ADGRF4: variants seen among roughly 807,000 people sequenced by gnomAD.
ADGRF4 encodes the protein G-protein coupled receptor PGR18.
ADGRF4 carries 63 observed loss-of-function variants against 58.5 expected under a neutral mutation model. That is an observed-to-expected ratio of 1.08 (90% CI 0.88 to 1.33). The LOEUF is 1.33. Ranked by LOEUF, ADGRF4 falls within the 40% of genes most tolerant of loss-of-function variation. The probability of loss-of-function intolerance (pLI) is 0.00; values close to 1 mark genes in which losing one functional copy is unlikely to be tolerated. For missense variants in ADGRF4, 931 were observed against 843.9 expected, an observed-to-expected ratio of 1.10 and a Z score of -1.28; for synonymous variants, 313 against 295.4, an observed-to-expected ratio of 1.06 and a Z score of -0.61.
chr6:47,711,112 CA>C (rs35782783), intron 4 of ADGRF4, among the ~76,000 whole-genome samples: 35,189 of 145,218 alleles, frequency 0.24, 4,642 homozygotes, highest in East Asian at 0.55. Context: ...AAACTTTTCT[CA>C]AAAAAAAAAA....
Position 47,714,649 on chromosome 6 carries a change from G to A in ADGRF4, c.1404G>A (p.Gln468=), listed in dbSNP as rs972359261. The A allele has an allele frequency of 1.7e-5, 28 of 1,614,014 alleles. No homozygotes were observed. Among genetic ancestry groups the A allele is most frequent in the African/African-American group, 5.3e-5 (4 of 74,898 alleles). ...IIGSHFNIKA[Q]DYNMCVAVTF... ...GCTCTCACTTTAACATTAAGGCCCA[G>A]GACTACAACATGTGTGTTGCAGTGA... The change falls in exon 6 of 10, where the codon CAG becomes CAA. Residue 468 remains glutamine (Q), a synonymous_variant. Coordinates refer to ENST00000283303, the MANE Select transcript of ADGRF4 (RefSeq NM_153838.5).
chr6:47,718,392 G>C lies in ADGRF4; in HGVS notation c.2038G>C (p.Ala680Pro). The C allele has an allele frequency of 6.5e-7, 1 of 1,542,110 alleles. No homozygotes were observed. The highest frequency in any genetic ancestry group is 9.0e-7 in the Non-Finnish European group (1 of 1,114,564). Residue 680 changes from alanine (A) to proline (P), a missense_variant, in exon 9 of 10, where the codon GCA becomes CCA. Ala to Pro is a conservative substitution (Grantham distance 27, BLOSUM62 -1). Coordinates refer to ENST00000283303, the MANE Select transcript of ADGRF4 (RefSeq NM_153838.5). Reference sequence around the variant, plus strand: ...CTGTTATTTTTCCCCCACTTAGAATGCATCACTAGGCCCAACCAATGGATC... The same window carrying C: ...CTGTTATTTTTCCCCCACTTAGAATCCATCACTAGGCCCAACCAATGGATC... ...LKGKSRAAEN[A>P]SLGPTNGSKL... is the part of the protein sequence containing the mutation.
intron 1 of ADGRF4, among the ~76,000 whole-genome samples, chr6:47,699,644 G>C (rs981887870): frequency 6.6e-6 from 1 of 152,182 alleles, no homozygotes; most frequent in African/African-American, 2.4e-5. Flanking sequence ...AGTAGCTAAA[G>C]ATGAGATGTT....
rs903695591 is a variant in ADGRF4 at position 47,717,319 on chromosome 6, T to C, written c.2002T>C (p.Ser668Pro). ...AAGAGATGCTTTGAGGATGAGGATG[T>C]CTTCACTGAAGGGGAAATCGAGGGC... ...KIRDALRMRMSSLKGKSRAAE... is the reference protein window; with the variant it reads ...KIRDALRMRMPSLKGKSRAAE... Residue 668 changes from serine (S) to proline (P), a missense_variant, in exon 8 of 10, where the codon TCT becomes CCT. Coordinates refer to ENST00000283303, the MANE Select transcript of ADGRF4 (RefSeq NM_153838.5). 1.2e-6 allele frequency: 2 copies of C among 1,612,382 alleles called. No individual in the cohort carries two copies. The highest frequency in any genetic ancestry group is 1.7e-6 in the Non-Finnish European group (2 of 1,178,370).
At chr6:47,702,786 G>A (rs1218764259) in intron 1 of ADGRF4, among the ~76,000 whole-genome samples, 1 of 152,174 alleles carries the variant, frequency 6.6e-6, no homozygotes, top group Non-Finnish European at 1.5e-5. Flanking sequence ...ACAGAATGTA[G>A]AACCAGAAGT....
intron 3 of ADGRF4, among the ~76,000 whole-genome samples, chr6:47,708,779 C>G (rs184817549): frequency 6.6e-6 from 1 of 152,128 alleles, no homozygotes; most frequent in Non-Finnish European, 1.5e-5. Flanking sequence ...GTGGTTCTCA[C>G]TCATGTAGTA....
At chr6:47,719,658 C>T (rs1772110966) in intron 9 of ADGRF4, among the ~76,000 whole-genome samples, 1 of 152,128 alleles carries the variant, frequency 6.6e-6, no homozygotes, top group African/African-American at 2.4e-5. Context: ...GGGGCCCTGC[C>T]TTTGGGGGAT....
rs1182510301 is a variant in ADGRF4, at chr6:47,715,114, C to A, written c.1869C>A (p.Ala623=). Residue 623 remains alanine (A), a synonymous_variant, in exon 6 of 10, where the codon GCC becomes GCA. Coordinates refer to ENST00000283303, the MANE Select transcript of ADGRF4 (RefSeq NM_153838.5). ...GACTGACCTGGGGTTTTGGAATAGCCACTCTCATAGAAGGCACTTCCTTGA... is the reference window on the plus strand; with the variant it reads ...GACTGACCTGGGGTTTTGGAATAGCAACTCTCATAGAAGGCACTTCCTTGA... The part of the protein sequence containing the change: ...LLGLTWGFGI[A]TLIEGTSLTF... 1 of 1,605,858 alleles carries A rather than the reference C, an allele frequency of 6.2e-7. No homozygotes were observed. Among genetic ancestry groups the A allele is most frequent in the Admixed American group, 1.7e-5 (1 of 59,898 alleles).
chr6:47,709,979 G>A (rs1027216745), intron 3 of ADGRF4, among the ~76,000 whole-genome samples: 3 of 152,048 alleles, frequency 2.0e-5, no homozygotes, highest in Admixed American at 6.6e-5. Flanking sequence ...TGGAGAAAAT[G>A]CATATGTTAG....
At position 47,707,297 on chromosome 6, in the gene ADGRF4, T is replaced by C; in HGVS notation, c.52T>C (p.Ser18Pro). ...TMICCLVFFL[S>P]TECSHYRSKI... Reference sequence around the variant, plus strand: ...GATTTGCTGCTTAGTGTTCTTTCTGTCCACAGAATGTTCCCACTATAGATC... The same window carrying C: ...GATTTGCTGCTTAGTGTTCTTTCTGCCCACAGAATGTTCCCACTATAGATC... The change falls in exon 2 of 10, where the codon TCC becomes CCC. Residue 18 changes from serine to proline, a missense_variant. Coordinates refer to ENST00000283303, the MANE Select transcript of ADGRF4 (RefSeq NM_153838.5). The C allele has an allele frequency of 1.9e-6, 3 of 1,613,320 alleles. No individual in the cohort carries two copies. Among genetic ancestry groups the C allele is most frequent in the Non-Finnish European group, 2.5e-6 (3 of 1,179,250 alleles).
chr6:47,705,342 T>C lies in ADGRF4; in HGVS notation c.-16-1888T>C, dbSNP rs138263082. Among the ~76,000 whole-genome samples, 659 of 152,370 alleles carry C rather than the reference T, an allele frequency of 4.3e-3. 2 individuals carry two copies. The highest frequency in any genetic ancestry group is 0.014 in the African/African-American group (574 of 41,588). On this transcript the variant is annotated intron_variant, in intron 1 of 9. Transcript: ENST00000283303. Reference sequence around the variant, plus strand: ...AGTGATGATCAGTTAAGCATCTATCTTGGACAATATTCACATTGCAAATTG... The same window carrying C: ...AGTGATGATCAGTTAAGCATCTATCCTGGACAATATTCACATTGCAAATTG...
chr6:47,708,156 C>T, intron 2 of ADGRF4, 68 bp from the exon 3 acceptor site: 2 of 1,139,960 alleles, frequency 1.8e-6, no homozygotes, highest in Non-Finnish European at 2.7e-6. Context: ...TCATATGGAG[C>T]CTCTAAGCTG....
intron 6 of ADGRF4, among the ~76,000 whole-genome samples, chr6:47,716,321 A>G (rs1772017311): frequency 1.3e-5 from 2 of 152,064 alleles, no homozygotes; most frequent in South Asian, 4.2e-4. Flanking sequence ...TCTTTCTTTT[A>G]TGTAGAAATG....
intron 3 of ADGRF4, among the ~76,000 whole-genome samples, chr6:47,710,466 C>T (rs1771833487): frequency 6.6e-6 from 1 of 152,210 alleles, no homozygotes; most frequent in South Asian, 2.1e-4. Flanking sequence ...TTCCCACCCT[C>T]ATCTCTTGCC....
intron 5 of ADGRF4, among the ~76,000 whole-genome samples, chr6:47,713,140 G>A (rs1025685064): frequency 1.2e-4 from 18 of 152,178 alleles, no homozygotes; most frequent in African/African-American, 3.9e-4. Flanking sequence ...GATGATCTAA[G>A]GTGGAACAGT....
intron 4 of ADGRF4, among the ~76,000 whole-genome samples, chr6:47,711,587 T>A (rs1426971969): frequency 6.6e-6 from 1 of 152,186 alleles, no homozygotes; most frequent in Non-Finnish European, 1.5e-5. Flanking sequence ...ATACTTTCAA[T>A]CTCTTGACCA....
chr6:47,707,402 C>T, intron 2 of ADGRF4, 64 bp downstream of exon 2: 2 of 904,854 alleles, frequency 2.2e-6, no homozygotes, highest in Admixed American at 3.4e-5. Flanking sequence ...AATGGCAAGA[C>T]TTCTGATAAA....
At position 47,710,980 on chromosome 6, in the gene ADGRF4, C is replaced by CT. The variant is rs994565755; in HGVS notation, c.300+95dup. On this transcript the variant is annotated intron_variant, in intron 4 of 9. Transcript: ENST00000283303. ...TGATCTGTTCAGCATGACAAAAAGT[C>CT]TCAGATCCGCACTTAGAAAAATCTA... 7.9e-5 allele frequency: 94 copies of CT among 1,193,836 alleles called. No individual in the cohort carries two copies. The African/African-American group carries it at 1.3e-3, about 16-fold the overall frequency. The allele number at this position is 1,193,836 out of a possible 1,614,324, so 74.0% of individuals were successfully genotyped here.
rs115500197 is a variant in ADGRF4 at position 47,712,410 on chromosome 6, T to C, written c.354T>C (p.His118=). 1.4e-3 allele frequency: 2,271 copies of C among 1,613,960 alleles called. 21 individuals are homozygous for C. The highest frequency in any genetic ancestry group is 0.014 in the African/African-American group (1,021 of 75,044). The change falls in exon 5 of 10, where the codon CAT becomes CAC. Residue 118 remains histidine, a synonymous_variant. Transcript: ENST00000283303. ...LSVAAPSIPL[H]ILDFRAPETI... ...TAGCAGCACCATCTATACCTCTGCA[T>C]ATTCTAGACTTTCGAGCTCCAGAGA... is the stretch of plus-strand genomic sequence containing the variant.
Sources: allele counts gnomAD v4.1 joint callset (sites outside exome capture counted in the v4.1 genomes callset), GRCh38; gene constraint gnomAD v4.1.1; transcripts MANE v1.5; gene names NCBI Gene and HGNC (gene_info 2026-07-23, HGNC 2026-07-21).